Variants in STIM2 observed in about 807,000 individuals in gnomAD.
STIM2 encodes the protein stromal interaction molecule 2.
A neutral mutation model predicts 85.8 loss-of-function variants in STIM2; 31 were observed. The ratio of observed to expected loss-of-function variants is 0.36; its 90% confidence interval spans 0.27 to 0.49. STIM2 has a LOEUF of 0.49. Ranked by LOEUF, STIM2 falls within the 20% of genes least tolerant of loss-of-function variation. The pLI is 0.98. For missense variants in STIM2, 841 were observed against 927.6 expected (o/e 0.91, Z 1.21); for synonymous variants, 356 against 331.1 (o/e 1.08, Z -0.82).
chr4:26,974,810 T>C (rs7689377), intron 3 of STIM2, among the ~76,000 whole-genome samples: 5,521 of 152,308 alleles, frequency 0.036, 139 homozygotes, highest in South Asian at 0.076. Context: ...GGTGTTCTCC[T>C]GGATAATATA....
intron 1 of STIM2, among the ~76,000 whole-genome samples, chr4:26,899,230 T>A (rs1298232349): frequency 6.6e-6 from 1 of 152,094 alleles, no homozygotes; most frequent in Non-Finnish European, 1.5e-5. Context: ...ATGTGAATTA[T>A]GTTAAATTAT....
At chr4:26,922,623 A>G (rs1209038239) in intron 2 of STIM2, among the ~76,000 whole-genome samples, 2 of 152,134 alleles carry the variant, frequency 1.3e-5, no homozygotes, top group African/African-American at 4.8e-5. Flanking sequence ...GCACCTTGAT[A>G]TGCCCACCAG....
intron 2 of STIM2, among the ~76,000 whole-genome samples, chr4:26,927,680 TAAAAAAAAAA>T (rs71186498): frequency 8.5e-5 from 2 of 23,454 alleles, no homozygotes; most frequent in East Asian, 4.9e-3. Flanking sequence ...TAGAGTATAA[TAAAAAAAAAA>T]AAAAAAAAAA....
chr4:27,022,050 G>A (rs1728933303), intron 11 of STIM2, among the ~76,000 whole-genome samples: 1 of 152,020 alleles, frequency 6.6e-6, no homozygotes, highest in Non-Finnish European at 1.5e-5. Flanking sequence ...ACATTTTAGT[G>A]TAATTCCTTT....
At chr4:26,897,404 A>G (rs1295070768) in intron 1 of STIM2, among the ~76,000 whole-genome samples, 2 of 152,124 alleles carry the variant, frequency 1.3e-5, no homozygotes, top group Admixed American at 6.5e-5. Context: ...TTCATATTTT[A>G]TCTGTCATCT....
chr4:26,973,551 G>T (rs780340710), intron 3 of STIM2, among the ~76,000 whole-genome samples: 14 of 152,194 alleles, frequency 9.2e-5, no homozygotes, highest in Admixed American at 6.5e-4. Context: ...GTGCGGTTTT[G>T]AGTGAATTTC....
Position 26,860,937 on chromosome 4 carries a change from T to C in STIM2, c.-282T>C, listed in dbSNP as rs745681441. On this transcript the variant is annotated 5_prime_UTR_variant, in exon 1 of 12. Coordinates refer to ENST00000467087, the MANE Select transcript of STIM2 (RefSeq NM_020860.4). ...TCTACCCCCCACCTTTTTTTTTTTT[T>C]TTTTTAAATAACCGGAACCAATGAA... The C allele has an allele frequency of 5.1e-6, 6 of 1,169,812 alleles. No individual in the cohort carries two copies. The East Asian group carries it at 3.5e-4, about 67-fold the overall frequency. 72.5% of individuals were successfully genotyped at this position (1,169,812 alleles called of 1,614,324 possible). A position where few individuals can be genotyped will look rare whatever the true frequency, so the allele number is the denominator to read the frequency against.
intron 2 of STIM2, among the ~76,000 whole-genome samples, chr4:26,934,773 C>T (rs1725332845): frequency 6.6e-6 from 1 of 151,996 alleles, no homozygotes; most frequent in Non-Finnish European, 1.5e-5. Flanking sequence ...ATTAGATGGG[C>T]ATATTGGCAC....
chr4:26,978,380 C>T (rs1402808458), intron 3 of STIM2, among the ~76,000 whole-genome samples: 1 of 150,592 alleles, frequency 6.6e-6, no homozygotes, highest in Middle Eastern at 3.5e-3. Flanking sequence ...GAAGATCAAA[C>T]TATCTTAATT....
At chr4:26,933,100 C>T (rs924153408) in intron 2 of STIM2, among the ~76,000 whole-genome samples, 4 of 151,466 alleles carry the variant, frequency 2.6e-5, no homozygotes, top group African/African-American at 4.9e-5. Flanking sequence ...GGTAAGAGGT[C>T]TCTGTACCCC....
At chr4:26,984,778 A>G (rs1383724326) in intron 3 of STIM2, among the ~76,000 whole-genome samples, 1 of 152,200 alleles carries the variant, frequency 6.6e-6, no homozygotes, top group Non-Finnish European at 1.5e-5. Flanking sequence ...TCTAATAGGA[A>G]AGGTAATAAA....
intron 1 of STIM2, among the ~76,000 whole-genome samples, chr4:26,882,901 G>A (rs749076882): frequency 1.3e-5 from 2 of 150,408 alleles, no homozygotes; most frequent in East Asian, 2.0e-4. Context: ...GCAGTGGCGC[G>A]ATCTCAGCTC....
At position 26,918,293 on chromosome 4, in the gene STIM2, C is replaced by T. The variant is rs147551010; in HGVS notation, c.152-1211C>T. ...GCCTCAAATATTGGCTTCTCTTCTC[C>T]CAGCTTTTTTTCTCCTAAGCACAGA... is the stretch of plus-strand genomic sequence containing the variant. On this transcript the variant is annotated intron_variant, in intron 1 of 11. Coordinates refer to ENST00000467087, the MANE Select transcript of STIM2 (RefSeq NM_020860.4). Among the ~76,000 whole-genome samples the T allele has an allele frequency of 2.2e-3, 334 of 150,562 alleles. 1 individual carries two copies. The highest frequency in any genetic ancestry group is 4.2e-3 in the Non-Finnish European group (286 of 67,702).
At chr4:26,890,883 T>G (rs1723450860) in intron 1 of STIM2, among the ~76,000 whole-genome samples, 1 of 151,534 alleles carries the variant, frequency 6.6e-6, no homozygotes, top group South Asian at 2.1e-4. Flanking sequence ...AGCTTTGCTC[T>G]AAGATCCTAA....
intron 10 of STIM2, among the ~76,000 whole-genome samples, chr4:27,010,194 C>G (rs1187057807): frequency 1.3e-5 from 2 of 151,990 alleles, no homozygotes; most frequent in Non-Finnish European, 2.9e-5. Flanking sequence ...GCCTGTAATC[C>G]CGGCACTTTG....
At chr4:26,942,778 T>G (rs756468102) in intron 2 of STIM2, among the ~76,000 whole-genome samples, 1 of 152,144 alleles carries the variant, frequency 6.6e-6, no homozygotes, top group African/African-American at 2.4e-5. Flanking sequence ...CTTTATCTCC[T>G]TGGACTACAC....
intron 1 of STIM2, among the ~76,000 whole-genome samples, chr4:26,893,487 T>A (rs1408030382): frequency 6.6e-6 from 1 of 152,274 alleles, no homozygotes; most frequent in Non-Finnish European, 1.5e-5. Context: ...TTGTTCTGTG[T>A]AGCTGCATTC....
intron 1 of STIM2, among the ~76,000 whole-genome samples, chr4:26,864,147 T>C (rs1722311217): frequency 6.6e-6 from 1 of 152,134 alleles, no homozygotes; most frequent in African/African-American, 2.4e-5. Flanking sequence ...ATATTTTCTT[T>C]TCCTTTTTAA....
At chr4:27,010,241 C>G (rs1037120495) in intron 10 of STIM2, among the ~76,000 whole-genome samples, 5 of 152,010 alleles carry the variant, frequency 3.3e-5, no homozygotes, top group Non-Finnish European at 5.9e-5. Context: ...GTCAGGAGTT[C>G]AAGACCAGCC....
Sources: gnomAD v4.1 joint callset for allele counts (sites outside exome capture counted in the v4.1 genomes callset) on GRCh38, gnomAD v4.1.1 for gene constraint, MANE v1.5 for transcripts, NCBI Gene and HGNC (gene_info 2026-07-23, HGNC 2026-07-21) for gene names.